SERPINB9: variants seen among roughly 807,000 people sequenced by gnomAD.
The protein encoded by SERPINB9 is serpin family B member 9.
In SERPINB9, 20 loss-of-function variants were observed where a neutral mutation model predicts 27.2. The ratio of observed to expected loss-of-function variants is 0.74; its 90% CI spans 0.52 to 1.07. The LOEUF (loss-of-function observed/expected upper bound fraction) is 1.07, where lower values mean the gene tolerates loss of function less well. SERPINB9 is among the 50% of genes least tolerant of loss of function. The probability of loss-of-function intolerance (pLI) is 0.00; values close to 1 mark genes in which losing one functional copy is unlikely to be tolerated. For missense variants in SERPINB9, 476 were observed against 460.1 expected, an observed-to-expected ratio of 1.03 and a Z score of -0.32; for synonymous variants, 189 against 180.0, an observed-to-expected ratio of 1.05 and a Z score of -0.40.
intron 2 of SERPINB9, among the ~76,000 whole-genome samples, chr6:2,898,399 T>C (rs1385186981): frequency 6.6e-6 from 1 of 152,244 alleles, no homozygotes; most frequent in Admixed American, 6.5e-5. Context: ...TTACTATTCA[T>C]AGCCAACACA....
chr6:2,895,295 G>T, intron 4 of SERPINB9, 96 bp downstream of exon 4: 1 of 747,650 alleles, frequency 1.3e-6, no homozygotes, highest in Non-Finnish European at 2.3e-6. Flanking sequence ...AGGGAGAGGA[G>T]GAGGAGAGAG....
At position 2,893,441 on chromosome 6, in the gene SERPINB9, G is replaced by A. The variant is rs1767894428; in HGVS notation, c.537C>T (p.Tyr179=). Residue 179 remains tyrosine (Y), a synonymous_variant, in exon 5 of 7, where the codon TAC becomes TAT. Coordinates refer to ENST00000380698, the MANE Select transcript of SERPINB9 (RefSeq NM_004155.6). ...GKWNEPFDET[Y]TREMPFKINQ... is the part of the protein sequence containing the mutation. The stretch of plus-strand genomic sequence containing the variant: ...TTATTTTAAAGGGCATTTCCCTTGT[G>A]TATGTTTCGTCAAACGGTTCATTCC... 6.2e-7 allele frequency: 1 copy of A among 1,613,034 alleles called. No individual in the cohort carries two copies. The highest frequency in any genetic ancestry group is 2.2e-5 in the East Asian group (1 of 44,826).
Position 2,889,901 on chromosome 6 carries a change from T to C in SERPINB9, c.*262A>G. ...TTGCATGTGGAATTCTAGAAGAACT[T>C]TGCTTGCCATCCTATGGGATTTGGA... On this transcript the variant is annotated 3_prime_UTR_variant, in exon 7 of 7. Coordinates refer to ENST00000380698, the MANE Select transcript of SERPINB9 (RefSeq NM_004155.6). 2.8e-6 allele frequency: 1 copy of C among 363,328 alleles called. No homozygotes were observed. 22.5% of individuals were successfully genotyped at this position (363,328 alleles called of 1,614,324 possible). A position where few individuals can be genotyped will look rare whatever the true frequency, so the allele number is the denominator to read the frequency against.
At chr6:2,900,998 A>G (rs1768183880) in intron 1 of SERPINB9, among the ~76,000 whole-genome samples, 1 of 152,156 alleles carries the variant, frequency 6.6e-6, no homozygotes, top group Non-Finnish European at 1.5e-5. Flanking sequence ...AGGAGGAGGA[A>G]AATGCTGTTC....
chr6:2,899,411 A>T, intron 2 of SERPINB9, among the ~76,000 whole-genome samples: 1 of 152,346 alleles, frequency 6.6e-6, no homozygotes, highest in East Asian at 1.9e-4. Context: ...ATACTTGTGC[A>T]AGGACATCTA....
At position 2,890,515 on chromosome 6, in the gene SERPINB9, A is replaced by C; in HGVS notation, c.779T>G (p.Met260Arg). The change falls in exon 7 of 7, where the codon ATG (methionine) becomes AGG (arginine). Residue 260 changes from methionine (M) to arginine (R), a missense_variant. By Grantham distance (91) the Met-to-Arg change is moderately conservative. Coordinates refer to ENST00000380698, the MANE Select transcript of SERPINB9 (RefSeq NM_004155.6). This position sits in a 1 kb window ranked among gnomAD's most constrained non-coding sequence, Gnocchi z 6.2. The stretch of plus-strand genomic sequence containing the variant: ...GAGAACTTCAACCTCAGTACTCTTC[A>C]TACAGTCTGGCTTGGTCCAGGCTGT... The part of the protein sequence containing the change: ...KLTAWTKPDC[M>R]KSTEVEVLLP... The C allele has an allele frequency of 6.2e-7, 1 of 1,614,186 alleles. No homozygotes were observed.
In SERPINB9 at chr6:2,900,570, G is replaced by T; in HGVS notation, c.42C>A (p.Arg14=). ...TATCTTGACACAGTATCTTTAAAAG[G>T]CGTATGGCAAAAGTACCACTTGCAT... is the stretch of plus-strand genomic sequence containing the variant. ...LSNASGTFAI[R]LLKILCQDNP... Residue 14 remains arginine, a synonymous_variant, in exon 2 of 7, where the codon CGC becomes CGA. Transcript: ENST00000380698. 1 of 1,614,146 alleles carries T rather than the reference G, an allele frequency of 6.2e-7. No homozygotes were observed. The highest frequency in any genetic ancestry group is 1.3e-5 in the African/African-American group (1 of 75,024).
chr6:2,897,814 G>A (rs1768052507), intron 2 of SERPINB9, among the ~76,000 whole-genome samples: 1 of 152,058 alleles, frequency 6.6e-6, no homozygotes, highest in South Asian at 2.1e-4. Context: ...GTGAAAAAGA[G>A]GTTACAGCAA....
chr6:2,892,570 T>C lies in SERPINB9; in HGVS notation c.568-582A>G, dbSNP rs796230546. Among the ~76,000 whole-genome samples, 11 of 152,280 alleles carry C rather than the reference T, an allele frequency of 7.2e-5. 1 individual carries two copies. Among genetic ancestry groups the C allele is most frequent in the African/African-American group, 2.6e-4 (11 of 41,552 alleles). On this transcript the variant is annotated intron_variant, in intron 5 of 6. Transcript: ENST00000380698. ...AAAATACAGAAGAGGCATAAGCACA[T>C]AGAAGCTCAGCAAAGTATTACATTT...
intron 4 of SERPINB9, 25 bp from the exon 5 acceptor site, chr6:2,893,578 T>C (rs1195571395): frequency 6.2e-7 from 1 of 1,600,806 alleles, no homozygotes; most frequent in East Asian, 2.2e-5. Context: ...AGAGACTACA[T>C]TCAGTTGCTT....
At position 2,895,970 on chromosome 6, in the gene SERPINB9, A is replaced by T. The variant is rs534245039; in HGVS notation, c.306+83T>A. ...TTAAATTGGTTAACATAAATTTCTCAATTTCTCTAGGGTCTTTCTCCCAGA... is the reference window on the plus strand; with the variant it reads ...TTAAATTGGTTAACATAAATTTCTCTATTTCTCTAGGGTCTTTCTCCCAGA... On this transcript the variant is annotated intron_variant, in intron 3 of 6. Transcript: ENST00000380698. 2.8e-6 allele frequency: 4 copies of T among 1,412,582 alleles called. No individual in the cohort carries two copies. The South Asian group carries it at 4.4e-5, about 16-fold the overall frequency. 87.5% of individuals were successfully genotyped at this position (1,412,582 alleles called of 1,614,324 possible). A position where few individuals can be genotyped will look rare whatever the true frequency, so the allele number is the denominator to read the frequency against.
Position 2,899,564 on chromosome 6 carries a change from T to C in SERPINB9, c.168+880A>G, listed in dbSNP as rs144158793. 7.9e-5 allele frequency among the ~76,000 whole-genome samples: 12 copies of C among 152,380 alleles called. No individual in the cohort carries two copies. The East Asian group carries it at 1.3e-3, about 17-fold the overall frequency. ...TAGTGTTATTTCACCTCCCTGAATG[T>C]GCACATAGCTTGCCATGGCATGCGT... is the stretch of plus-strand genomic sequence containing the variant. On this transcript the variant is annotated intron_variant, in intron 2 of 6. Coordinates refer to ENST00000380698, the MANE Select transcript of SERPINB9 (RefSeq NM_004155.6).
chr6:2,891,843 T>A lies in SERPINB9; in HGVS notation c.713A>T (p.Glu238Val). The change falls in exon 6 of 7, where the codon GAG (glutamate) becomes GTG (valine). Residue 238 changes from glutamate (E) to valine (V), a missense_variant. Transcript: ENST00000380698. This position sits in a 1 kb window ranked among gnomAD's most constrained non-coding sequence, Gnocchi z 4.0. ...CAGCCCGGGTCTTACCGTGCTGAGCTCCACGCCGTCGTCAGGCAGCAGCAC... is the reference window on the plus strand; with the variant it reads ...CAGCCCGGGTCTTACCGTGCTGAGCACCACGCCGTCGTCAGGCAGCAGCAC... ...LLVLLPDDGVELSTVEKSLTF... is the reference protein window; with the variant it reads ...LLVLLPDDGVVLSTVEKSLTF... 1 of 1,605,208 alleles carries A rather than the reference T, an allele frequency of 6.2e-7. No homozygotes were observed. Among genetic ancestry groups the A allele is most frequent in the South Asian group, 1.1e-5 (1 of 90,980 alleles).
chr6:2,898,641 C>A (rs970600237), intron 2 of SERPINB9, among the ~76,000 whole-genome samples: 1 of 152,028 alleles, frequency 6.6e-6, no homozygotes. Context: ...CACAGTGAAA[C>A]CCTGTCTCTA....
intron 2 of SERPINB9, among the ~76,000 whole-genome samples, chr6:2,896,825 A>G (rs1012644369): frequency 2.0e-5 from 3 of 152,236 alleles, no homozygotes; most frequent in Non-Finnish European, 2.9e-5. Context: ...TAAATAATTA[A>G]CTCTTCAAAG....
chr6:2,900,885 T>TCACACACACACACACACACACA (rs5742054), intron 1 of SERPINB9, among the ~76,000 whole-genome samples: 1,868 of 141,556 alleles, frequency 0.013, 39 homozygotes, highest in African/African-American at 0.045. Context: ...GCTCGCTCTC[T>TCACACACACACACACACACACA]CACACACACA....
At chr6:2,899,091 G>A (rs1246734183) in intron 2 of SERPINB9, among the ~76,000 whole-genome samples, 1 of 152,130 alleles carries the variant, frequency 6.6e-6, no homozygotes. Flanking sequence ...CTGGAGCCAT[G>A]GAGAGAGCTC....
intron 2 of SERPINB9, among the ~76,000 whole-genome samples, chr6:2,897,680 T>C (rs957794960): frequency 6.6e-6 from 1 of 152,122 alleles, no homozygotes; most frequent in African/African-American, 2.4e-5. Context: ...CCAAGGAATT[T>C]TGGGACAAAC....
Position 2,889,230 on chromosome 6 carries a change from G to A in SERPINB9, c.*933C>T, listed in dbSNP as rs1025503746. 6 of 152,134 alleles carry A rather than the reference G, an allele frequency of 3.9e-5. No homozygotes were observed. Among genetic ancestry groups the A allele is most frequent in the African/African-American group, 1.4e-4 (6 of 41,394 alleles). The allele number at this position is 152,134 out of a possible 1,614,324, so 9.4% of individuals were successfully genotyped here. ...TCCCTACAAGAGGATTACGTGGTAA[G>A]TTGAAAGACATTAAACAGTCCAACC... is the stretch of plus-strand genomic sequence containing the variant. On this transcript the variant is annotated 3_prime_UTR_variant, in exon 7 of 7. Coordinates refer to ENST00000380698, the MANE Select transcript of SERPINB9 (RefSeq NM_004155.6).
Sources: allele counts gnomAD v4.1 joint callset (sites outside exome capture counted in the v4.1 genomes callset), GRCh38; gene constraint gnomAD v4.1.1; non-coding constraint Gnocchi (gnomAD v3.1); transcripts MANE v1.5; gene names NCBI Gene and HGNC (gene_info 2026-07-23, HGNC 2026-07-21).